Variants in PDGFC observed in about 807,000 individuals in gnomAD.
The protein encoded by PDGFC is platelet-derived growth factor C.
Under a neutral mutation model 35.5 loss-of-function variants are expected in PDGFC, and 12 were observed. The ratio of observed to expected loss-of-function variants is 0.34; its 90% confidence interval spans 0.22 to 0.55. The LOEUF (loss-of-function observed/expected upper bound fraction) is 0.55, where lower values mean the gene tolerates loss of function less well. Ranked by LOEUF, PDGFC falls within the 20% of genes least tolerant of loss-of-function variation. The probability of loss-of-function intolerance (pLI) is 0.91; values close to 1 mark genes in which losing one functional copy is unlikely to be tolerated. For synonymous variants in PDGFC, 159 were observed against 148.8 expected, an observed-to-expected ratio of 1.07 and a Z score of -0.50; for missense variants, 322 against 412.4, an observed-to-expected ratio of 0.78 and a Z score of 1.90.
At chr4:156,882,424 T>G (rs931789001) in intron 1 of PDGFC, among the ~76,000 whole-genome samples, 1 of 152,136 alleles carries the variant, frequency 6.6e-6, no homozygotes, top group African/African-American at 2.4e-5. Flanking sequence ...GAAGAAAAAG[T>G]ACAATATTTA....
Position 156,893,750 on chromosome 4 carries a change from A to G in PDGFC, c.119-43334T>C, listed in dbSNP as rs144151169. 2.9e-3 allele frequency among the ~76,000 whole-genome samples: 444 copies of G among 152,292 alleles called. 3 individuals carry two copies. Among genetic ancestry groups the G allele is most frequent in the African/African-American group, 0.01 (431 of 41,568 alleles). ...TAGTATGCTTCATTGACCAGCAATG[A>G]CACACACTAAGAAACTGAAGGGGCA... On this transcript the variant is annotated intron_variant, in intron 1 of 5. Coordinates refer to ENST00000502773, the MANE Select transcript of PDGFC (RefSeq NM_016205.3).
chr4:156,880,956 A>G (rs1468638478), intron 1 of PDGFC, among the ~76,000 whole-genome samples: 1 of 152,206 alleles, frequency 6.6e-6, no homozygotes, highest in Non-Finnish European at 1.5e-5. Flanking sequence ...ACAGGATTTG[A>G]GTATTACATA....
chr4:156,912,181 G>A (rs1219802522), intron 1 of PDGFC, among the ~76,000 whole-genome samples: 1 of 151,986 alleles, frequency 6.6e-6, no homozygotes, highest in African/African-American at 2.4e-5. Flanking sequence ...GCACTGTATA[G>A]GAAATCAAGA....
chr4:156,875,669 G>A (rs1238965849), intron 1 of PDGFC, among the ~76,000 whole-genome samples: 2 of 152,196 alleles, frequency 1.3e-5, no homozygotes, highest in South Asian at 2.1e-4. Flanking sequence ...TGTAATCCCA[G>A]CACTTTGGGA....
chr4:156,850,473 CA>C (rs1234438177), intron 1 of PDGFC, 57 bp from the exon 2 acceptor site: 19 of 985,564 alleles, frequency 1.9e-5, no homozygotes, highest in Non-Finnish European at 2.8e-5. Context: ...TTATAGGTAT[CA>C]AAGCAAGTGT....
intron 1 of PDGFC, among the ~76,000 whole-genome samples, chr4:156,852,938 A>C (rs1302307343): frequency 6.6e-6 from 1 of 152,206 alleles, no homozygotes; most frequent in African/African-American, 2.4e-5. Context: ...GCTTGGAAGC[A>C]GACTGTTCTC....
chr4:156,913,957 C>T (rs182360849), intron 1 of PDGFC, among the ~76,000 whole-genome samples: 1 of 152,266 alleles, frequency 6.6e-6, no homozygotes, highest in East Asian at 1.9e-4. Context: ...GTATTAGGTA[C>T]TGAGTCATCC....
chr4:156,794,065 C>T lies in PDGFC; in HGVS notation c.495+16772G>A, dbSNP rs1052921378. On this transcript the variant is annotated intron_variant, in intron 3 of 5. Transcript: ENST00000502773. ...ATAATTTGTATCATAAAACATTGTC[C>T]TATTCCAGCACCTTTGACTGCGCAC... is the stretch of plus-strand genomic sequence containing the variant. Among the ~76,000 whole-genome samples the T allele has an allele frequency of 2.0e-5, 3 of 152,118 alleles. 1 individual carries two copies. The highest frequency in any genetic ancestry group is 4.1e-4 in the South Asian group (2 of 4,832).
chr4:156,917,208 C>A (rs1395469272), intron 1 of PDGFC, among the ~76,000 whole-genome samples: 1 of 152,192 alleles, frequency 6.6e-6, no homozygotes, highest in Non-Finnish European at 1.5e-5. Flanking sequence ...ATTCATCACT[C>A]AACCCATTGG....
chr4:156,904,584 A>G (rs1730870347), intron 1 of PDGFC, among the ~76,000 whole-genome samples: 1 of 152,136 alleles, frequency 6.6e-6, no homozygotes, highest in African/African-American at 2.4e-5. Flanking sequence ...TTTATGTGAC[A>G]TATCTTAGTA....
chr4:156,933,460 C>G (rs1225926246), intron 1 of PDGFC, among the ~76,000 whole-genome samples: 1 of 152,202 alleles, frequency 6.6e-6, no homozygotes, highest in Non-Finnish European at 1.5e-5. Flanking sequence ...ATATGCTCTG[C>G]CTTCTTGTTC....
intron 3 of PDGFC, among the ~76,000 whole-genome samples, chr4:156,775,897 C>A (rs1224044606): frequency 6.6e-6 from 1 of 152,124 alleles, no homozygotes; most frequent in Non-Finnish European, 1.5e-5. Context: ...GTGGTCCCCA[C>A]CCAGAAAACA....
chr4:156,928,705 G>A (rs967648365), intron 1 of PDGFC, among the ~76,000 whole-genome samples: 4 of 152,206 alleles, frequency 2.6e-5, no homozygotes, highest in African/African-American at 9.6e-5. Context: ...CCATTTTTAA[G>A]AGACTATGAG....
chr4:156,967,987 T>C (rs1202661343), intron 1 of PDGFC, among the ~76,000 whole-genome samples: 1 of 152,168 alleles, frequency 6.6e-6, no homozygotes, highest in Non-Finnish European at 1.5e-5. Context: ...GTGGCAAGAA[T>C]TGCAATCCAA....
At chr4:156,861,217 C>T (rs889192431) in intron 1 of PDGFC, among the ~76,000 whole-genome samples, 2 of 151,990 alleles carry the variant, frequency 1.3e-5, no homozygotes, top group Non-Finnish European at 2.9e-5. Context: ...TTACTAAGTG[C>T]AAAGACAGAA....
intron 1 of PDGFC, among the ~76,000 whole-genome samples, chr4:156,853,621 A>T (rs1369772998): frequency 6.6e-6 from 1 of 152,124 alleles, no homozygotes; most frequent in African/African-American, 2.4e-5. Flanking sequence ...ATACAGAAGG[A>T]ACTATAAAGT....
chr4:156,800,126 T>C (rs1731559453), intron 3 of PDGFC, among the ~76,000 whole-genome samples: 1 of 152,192 alleles, frequency 6.6e-6, no homozygotes, highest in South Asian at 2.1e-4. Flanking sequence ...TGTTGAGTTT[T>C]AATCTACAAA....
At chr4:156,821,073 C>T (rs901306785) in intron 2 of PDGFC, among the ~76,000 whole-genome samples, 1 of 152,080 alleles carries the variant, frequency 6.6e-6, no homozygotes, top group South Asian at 2.1e-4. Context: ...AGCACAGAGG[C>T]TAGAAGAGCC....
intron 2 of PDGFC, among the ~76,000 whole-genome samples, chr4:156,835,183 A>T (rs1452392291): frequency 6.6e-6 from 1 of 152,168 alleles, no homozygotes; most frequent in Non-Finnish European, 1.5e-5. Context: ...TACCATTTAA[A>T]ACTAATGTCA....
Sources: allele counts gnomAD v4.1 joint callset (sites outside exome capture counted in the v4.1 genomes callset), GRCh38; gene constraint gnomAD v4.1.1; transcripts MANE v1.5; gene names NCBI Gene and HGNC (gene_info 2026-07-23, HGNC 2026-07-21).